FMN1: variants seen among roughly 807,000 people sequenced by gnomAD.
FMN1 encodes formin-1.
Under a neutral mutation model 132.4 loss-of-function variants are expected in FMN1, and 110 were observed. The observed-to-expected ratio is 0.83, with a 90% confidence interval of 0.71 to 0.97. The LOEUF is 0.97. Ranked by LOEUF, FMN1 falls within the 50% of genes least tolerant of loss-of-function variation. The pLI is 0.00. For synonymous variants in FMN1, 722 were observed against 651.7 expected, an observed-to-expected ratio of 1.11 and a Z score of -1.64; for missense variants, 1,792 against 1,705.3, an observed-to-expected ratio of 1.05 and a Z score of -0.90.
In FMN1 at chr15:33,123,934, G is replaced by A. The variant is rs144225861; in HGVS notation, c.1867+29114C>T. On this transcript the variant is annotated intron_variant, in intron 4 of 20. Transcript: ENST00000616417. ...CTCTCGATTCTGTTCTCCCCTCATG[G>A]TATCAAAGATAATCATTACAACTTC... Among the ~76,000 whole-genome samples the A allele has an allele frequency of 3.2e-4, 48 of 152,270 alleles. No individual in the cohort carries two copies. In the East Asian group the frequency reaches 7.9e-3, roughly 25 times the overall value.
chr15:33,023,907 A>G (rs898233784), intron 6 of FMN1, among the ~76,000 whole-genome samples: 1 of 152,220 alleles, frequency 6.6e-6, no homozygotes, highest in Admixed American at 6.5e-5. Context: ...AATCACTTTT[A>G]GTGATTCAGC....
At chr15:33,055,366 G>A (rs946130680) in intron 6 of FMN1, among the ~76,000 whole-genome samples, 1 of 152,044 alleles carries the variant, frequency 6.6e-6, no homozygotes, top group African/African-American at 2.4e-5. Flanking sequence ...TACATCTATC[G>A]ATTAATGTAT....
At chr15:33,004,955 C>T (rs996190260) in intron 7 of FMN1, among the ~76,000 whole-genome samples, 2 of 151,996 alleles carry the variant, frequency 1.3e-5, no homozygotes, top group African/African-American at 4.8e-5. Context: ...AACCAAACAC[C>T]GTATGTTCTC....
At chr15:32,789,619 G>A (rs1477102468) in intron 19 of FMN1, among the ~76,000 whole-genome samples, 1 of 152,074 alleles carries the variant, frequency 6.6e-6, no homozygotes, top group East Asian at 1.9e-4. Flanking sequence ...AATAAATTTA[G>A]TGTAGCCTAA....
chr15:33,020,481 CTA>C (rs2035358267), intron 6 of FMN1, among the ~76,000 whole-genome samples: 1 of 152,076 alleles, frequency 6.6e-6, no homozygotes, highest in Non-Finnish European at 1.5e-5. Flanking sequence ...AACCCCGTCT[CTA>C]CTAAAATACA....
At chr15:33,098,992 C>CGTG (rs1265330893) in intron 4 of FMN1, among the ~76,000 whole-genome samples, 5 of 152,124 alleles carry the variant, frequency 3.3e-5, no homozygotes, top group African/African-American at 1.2e-4. Context: ...ATAGCCCAGG[C>CGTG]GTGGTGGCTC....
intron 5 of FMN1, chr15:33,067,937 C>T: frequency 6.5e-7 from 1 of 1,547,300 alleles, no homozygotes; most frequent in Non-Finnish European, 8.7e-7. Context: ...TTCTCCTGCG[C>T]TCTCAGTTTA....
chr15:33,155,615 AG>A (rs1348933386), intron 3 of FMN1, among the ~76,000 whole-genome samples: 1 of 152,228 alleles, frequency 6.6e-6, no homozygotes, highest in Non-Finnish European at 1.5e-5. Flanking sequence ...TCAATGTAAA[AG>A]TTTAAAATTT....
chr15:32,822,618 G>A (rs930442650), intron 17 of FMN1, among the ~76,000 whole-genome samples: 4 of 152,054 alleles, frequency 2.6e-5, no homozygotes, highest in Non-Finnish European at 5.9e-5. Flanking sequence ...AATTAAGGGT[G>A]CACATATGTG....
At chr15:32,970,885 C>T (rs1169875877) in intron 7 of FMN1, 1 of 152,148 alleles carries the variant, frequency 6.6e-6, no homozygotes, top group Non-Finnish European at 1.5e-5. Flanking sequence ...GGGCTATAGT[C>T]AGGAGAACTG....
chr15:32,861,867 A>AG (rs1256530799), intron 16 of FMN1, among the ~76,000 whole-genome samples: 2 of 152,222 alleles, frequency 1.3e-5, no homozygotes, highest in Non-Finnish European at 2.9e-5. Flanking sequence ...CAATTCCCCT[A>AG]GGCCTCTGAG....
intron 17 of FMN1, among the ~76,000 whole-genome samples, chr15:32,839,557 T>C (rs1360465830): frequency 6.6e-6 from 1 of 152,162 alleles, no homozygotes; most frequent in Non-Finnish European, 1.5e-5. Flanking sequence ...TTGTTAATGA[T>C]GATAAGCTAC....
At chr15:33,000,799 G>A (rs770282545) in intron 7 of FMN1, among the ~76,000 whole-genome samples, 19 of 152,162 alleles carry the variant, frequency 1.2e-4, no homozygotes, top group African/African-American at 3.1e-4. Flanking sequence ...TTCCCTGTAC[G>A]TGGTAAAGCT....
At chr15:32,995,048 G>C (rs1352382501) in intron 7 of FMN1, among the ~76,000 whole-genome samples, 1 of 152,072 alleles carries the variant, frequency 6.6e-6, no homozygotes, top group African/African-American at 2.4e-5. Flanking sequence ...TGGTGAGATT[G>C]TGGAATGACT....
intron 7 of FMN1, among the ~76,000 whole-genome samples, chr15:32,972,977 G>GCT (rs1466581925): frequency 6.6e-6 from 1 of 151,980 alleles, no homozygotes; most frequent in East Asian, 1.9e-4. Flanking sequence ...TGAATTTCTT[G>GCT]CTCTCTCTCA....
intron 7 of FMN1, among the ~76,000 whole-genome samples, chr15:32,974,790 G>C (rs1171180132): frequency 1.8e-5 from 2 of 109,010 alleles, no homozygotes; most frequent in African/African-American, 5.2e-5. Context: ...TTTTGGCAAT[G>C]ACTTTCACTT....
At chr15:32,985,617 A>G (rs2033015682) in intron 7 of FMN1, among the ~76,000 whole-genome samples, 1 of 152,156 alleles carries the variant, frequency 6.6e-6, no homozygotes, top group Non-Finnish European at 1.5e-5. Flanking sequence ...GATTTGTATG[A>G]TTACTGCAAT....
At chr15:32,883,508 T>TCA in intron 16 of FMN1, among the ~76,000 whole-genome samples, 1 of 16,264 alleles carries the variant, frequency 6.1e-5, no homozygotes. Flanking sequence ...AGAACCTATC[T>TCA]CAAAAAAAAA....
chr15:32,940,391 T>TTGTGTGTGTGTGTGTGTGTGTGTGTG (rs67121672), intron 9 of FMN1, among the ~76,000 whole-genome samples: 1 of 145,308 alleles, frequency 6.9e-6, no homozygotes, highest in African/African-American at 2.5e-5. Context: ...AAAATAAAAA[T>TTGTGTGTGTGTGTGTGTGTGTGTGTG]TGTGTGTGTG....
Sources: gnomAD v4.1 joint callset for allele counts (sites outside exome capture counted in the v4.1 genomes callset) on GRCh38, gnomAD v4.1.1 for gene constraint, MANE v1.5 for transcripts, NCBI Gene and HGNC (gene_info 2026-07-23, HGNC 2026-07-21) for gene names.